The following NPC1L1 variants were observed in gnomAD, a reference collection of about 807,000 sequenced individuals.
NPC1L1 encodes NPC1 like intracellular cholesterol transporter 1, also known as NPC1-like intracellular cholesterol transporter 1.
In NPC1L1, 98 loss-of-function variants were observed where a neutral mutation model predicts 117.0. The ratio of observed to expected loss-of-function variants is 0.84; its 90% CI spans 0.71 to 0.99. The LOEUF is 0.99. NPC1L1 is among the 50% of genes least tolerant of loss of function. The pLI is 0.00. For missense variants in NPC1L1, 1,540 were observed against 1,710.0 expected (o/e 0.90, Z 1.75); for synonymous variants, 729 against 727.6 (o/e 1.00, Z -0.03).
chr7:44,517,484 C>G, intron 14 of NPC1L1, 127 bp from the exon 15 acceptor site: 1 of 1,177,540 alleles, frequency 8.5e-7, no homozygotes, highest in Non-Finnish European at 1.2e-6. Context: ...TCTGCCACCA[C>G]CATTTGAAAT....
At position 44,536,767 on chromosome 7, in the gene NPC1L1, C is replaced by A; in HGVS notation, c.1681+75G>T. The A allele has an allele frequency of 7.4e-7, 1 of 1,347,624 alleles. No individual in the cohort carries two copies. The highest frequency in any genetic ancestry group is 1.1e-6 in the Non-Finnish European group (1 of 942,656). The allele number at this position is 1,347,624 out of a possible 1,614,324, so 83.5% of individuals were successfully genotyped here. ...GGCCGCGAGAATCCCCAGCACCACT[C>A]CCACCCTCCCGTCTATGGTTCCTGC... On this transcript the variant is annotated intron_variant, in intron 3 of 18. Coordinates refer to ENST00000381160, the MANE Select transcript of NPC1L1 (RefSeq NM_001101648.2). This position sits in a 1 kb window ranked among gnomAD's most constrained non-coding sequence, Gnocchi z 4.7.
At chr7:44,535,776 G>A (rs2117070034) in intron 5 of NPC1L1, 64 bp downstream of exon 5, 2 of 1,608,652 alleles carry the variant, frequency 1.2e-6, no homozygotes, top group African/African-American at 1.3e-5. Flanking sequence ...AGTTGTAGAA[G>A]GCCTACTGAA....
chr7:44,540,158 CG>C lies in NPC1L1; in HGVS notation c.238del (p.Arg80AlafsTer42). ...TTGGGTGTTGGGGCCGGTGTAGAGG[CG>C]GGGGCAGATCTTCTGTAATAGGATC... ...HLILLQKICP[R>X]LYTGPNTQAC... On this transcript the variant is annotated frameshift_variant, in exon 2 of 19. Coordinates refer to ENST00000381160, the MANE Select transcript of NPC1L1 (RefSeq NM_001101648.2). LOFTEE classifies it high-confidence loss of function. 6.2e-7 allele frequency: 1 copy of C among 1,613,262 alleles called. No individual in the cohort carries two copies. The highest frequency in any genetic ancestry group is 2.2e-5 in the East Asian group (1 of 44,830).
chr7:44,539,277 C>T lies in NPC1L1; in HGVS notation c.1120G>A (p.Glu374Lys). The change falls in exon 2 of 19, where the codon GAA (glutamate) becomes AAA (lysine). Residue 374 changes from glutamate to lysine, a missense_variant. Glu to Lys is a moderately conservative substitution (Grantham distance 56). This residue lies in a region of NPC1L1 where 793 missense variants were observed against 820.4 expected (regional missense o/e 0.97). Coordinates refer to ENST00000381160, the MANE Select transcript of NPC1L1 (RefSeq NM_001101648.2). The surrounding 1 kb of genome is among the most constrained non-coding windows in gnomAD (Gnocchi z 4.4). The stretch of plus-strand genomic sequence containing the variant: ...AGCTCCACGGGGTCCGTAGTGAGTT[C>T]TGTAAAGACCAGGCCCGCTGCCAAG... Reference protein sequence around the residue: ...VALAAGLVFTELTTDPVELWS... With the variant: ...VALAAGLVFTKLTTDPVELWS... The T allele has an allele frequency of 6.2e-7, 1 of 1,614,100 alleles. No homozygotes were observed. The highest frequency in any genetic ancestry group is 1.1e-5 in the South Asian group (1 of 91,088).
rs1451606210 is a variant in NPC1L1 at position 44,538,661 on chromosome 7, G to A, written c.1580+156C>T. 6.6e-6 allele frequency among the ~76,000 whole-genome samples: 1 copy of A among 152,250 alleles called. No homozygotes were observed. Among genetic ancestry groups the A allele is most frequent in the Admixed American group, 6.5e-5 (1 of 15,288 alleles). On this transcript the variant is annotated intron_variant, in intron 2 of 18. Coordinates refer to ENST00000381160, the MANE Select transcript of NPC1L1 (RefSeq NM_001101648.2). This position sits in a 1 kb window ranked among gnomAD's most constrained non-coding sequence, Gnocchi z 5.9. Reference sequence around the variant, plus strand: ...GGAAATGGCGGCCGGACGAGGGGCAGAGATAATCATCTGGGCGGCCCCAGG... The same window carrying A: ...GGAAATGGCGGCCGGACGAGGGGCAAAGATAATCATCTGGGCGGCCCCAGG...
In NPC1L1 at chr7:44,516,723, A is replaced by C. The variant is rs1242166013; in HGVS notation, c.3499T>G (p.Ser1167Ala). ...ALWGISYNAV[S>A]LINLVSAVGM... ...GTTACCGAGACCAGGTTGATGAGGG[A>C]CACAGCATTGTAACTGATGCCCCAC... The change falls in exon 16 of 19, where the codon TCC becomes GCC. Residue 1167 changes from serine (S) to alanine (A), a missense_variant. Transcript: ENST00000381160. 1 of 1,611,410 alleles carries C rather than the reference A, an allele frequency of 6.2e-7. No homozygotes were observed. Among genetic ancestry groups the C allele is most frequent in the African/African-American group, 1.3e-5 (1 of 74,842 alleles).
intron 8 of NPC1L1, among the ~76,000 whole-genome samples, chr7:44,532,996 A>G (rs1331706356): frequency 6.6e-6 from 1 of 152,058 alleles, no homozygotes. Flanking sequence ...AATCCCAGTA[A>G]TTGGGAGGCT....
intron 14 of NPC1L1, 84 bp from the exon 15 acceptor site, chr7:44,517,441 G>C: frequency 6.6e-7 from 1 of 1,520,704 alleles, no homozygotes; most frequent in Admixed American, 1.7e-5. Flanking sequence ...CAGACGCAGT[G>C]GCACAGGCAT....
chr7:44,524,608 A>C (rs779835285), intron 10 of NPC1L1, among the ~76,000 whole-genome samples: 3 of 152,118 alleles, frequency 2.0e-5, no homozygotes, highest in Non-Finnish European at 4.4e-5. Flanking sequence ...TACAAAAATT[A>C]GCCAAGCATG....
intron 12 of NPC1L1, 123 bp downstream of exon 12, chr7:44,521,589 C>A: frequency 2.0e-6 from 3 of 1,489,834 alleles, no homozygotes; most frequent in Non-Finnish European, 2.8e-6. Flanking sequence ...TGCACCCATG[C>A]CCCCGACAGA....
At chr7:44,513,747 TC>T in intron 18 of NPC1L1, 98 bp from the exon 19 acceptor site, 2 of 1,326,832 alleles carry the variant, frequency 1.5e-6, no homozygotes, top group South Asian at 2.4e-5. Context: ...GCAGGAAGGG[TC>T]CCAGGGGGGA....
chr7:44,540,107 A>G lies in NPC1L1; in HGVS notation c.290T>C (p.Val97Ala). Residue 97 changes from valine (V) to alanine (A), a missense_variant, in exon 2 of 19, where the codon GTA becomes GCA. Coordinates refer to ENST00000381160, the MANE Select transcript of NPC1L1 (RefSeq NM_001101648.2). ...GATCGACAGACTCGCTTCCAGTGATACCAGCTGCTTGGCGGAGCAGCAGGC... is the reference window on the plus strand; with the variant it reads ...GATCGACAGACTCGCTTCCAGTGATGCCAGCTGCTTGGCGGAGCAGCAGGC... ...TQACCSAKQLVSLEASLSITK... is the reference protein window; with the variant it reads ...TQACCSAKQLASLEASLSITK... The G allele has an allele frequency of 6.2e-7, 1 of 1,614,128 alleles. No individual in the cohort carries two copies. The highest frequency in any genetic ancestry group is 1.3e-5 in the African/African-American group (1 of 75,030).
chr7:44,518,813 G>A, intron 14 of NPC1L1: 6 of 883,302 alleles, frequency 6.8e-6, no homozygotes, highest in Non-Finnish European at 8.4e-6. Context: ...GAGGTGCCTG[G>A]AGAACTTCCC....
Position 44,533,838 on chromosome 7 carries a change from G to A in NPC1L1, c.2182C>T (p.Pro728Ser), listed in dbSNP as rs1451124906. The A allele has an allele frequency of 6.2e-7, 1 of 1,612,004 alleles. No individual in the cohort carries two copies. The highest frequency in any genetic ancestry group is 1.3e-5 in the African/African-American group (1 of 74,932). Residue 728 changes from proline (P) to serine (S), a missense_variant, in exon 7 of 19, where the codon CCT becomes TCT. Around this residue, in one of 3 missense-constraint regions of NPC1L1, gnomAD observed 742 missense variants for 873.6 expected, o/e 0.85. Transcript: ENST00000381160. ...VLEYQRLPRRPGEPREVHIGR... is the reference protein window; with the variant it reads ...VLEYQRLPRRSGEPREVHIGR... ...ATGTGGACCTCTCGTGGCTCCCCAGGCCTCCGGGGCAGCCTCTGTGTGGGA... is the reference window on the plus strand; with the variant it reads ...ATGTGGACCTCTCGTGGCTCCCCAGACCTCCGGGGCAGCCTCTGTGTGGGA...
chr7:44,532,262 G>A (rs1801729833), intron 8 of NPC1L1, 45 bp from the exon 9 acceptor site: 1 of 1,611,402 alleles, frequency 6.2e-7, no homozygotes, highest in Non-Finnish European at 8.5e-7. Flanking sequence ...GAGCAGACAA[G>A]GCCCCAGGGA....
chr7:44,528,745 A>T (rs970735236), intron 10 of NPC1L1, among the ~76,000 whole-genome samples: 1 of 152,150 alleles, frequency 6.6e-6, no homozygotes, highest in Admixed American at 6.5e-5. Flanking sequence ...AATTACTGTA[A>T]ATGTAAATGG....
At position 44,536,443 on chromosome 7, in the gene NPC1L1, A is replaced by G. The variant is rs2117072846; in HGVS notation, c.1682-15T>C. ...ATAGTCCTTTCCTGGGATAAGAAAT[A>G]CTCAGACCCTTCCTGCTGCACCCGT... is the stretch of plus-strand genomic sequence containing the variant. On this transcript the variant is annotated splice_polypyrimidine_tract_variant and intron_variant, in intron 3 of 18. Coordinates refer to ENST00000381160, the MANE Select transcript of NPC1L1 (RefSeq NM_001101648.2). This position sits in a 1 kb window ranked among gnomAD's most constrained non-coding sequence, Gnocchi z 4.7. 1 of 1,608,582 alleles carries G rather than the reference A, an allele frequency of 6.2e-7. No individual in the cohort carries two copies. The highest frequency in any genetic ancestry group is 8.5e-7 in the Non-Finnish European group (1 of 1,179,908).
chr7:44,538,979 G>A lies in NPC1L1; in HGVS notation c.1418C>T (p.Ala473Val), dbSNP rs1390043104. 3.1e-6 allele frequency: 5 copies of A among 1,614,104 alleles called. No individual in the cohort carries two copies. The highest frequency in any genetic ancestry group is 2.2e-5 in the East Asian group (1 of 44,898). The stretch of plus-strand genomic sequence containing the variant: ...ACTGGTATTGTCCGGATTGAGGGGG[G>A]CGTAGCAGATGTCCTGCAGGGAGAT... ...RNISLQDICY[A>V]PLNPDNTSLY... The change falls in exon 2 of 19, where the codon GCC becomes GTC. Residue 473 changes from alanine (A) to valine (V), a missense_variant. Transcript: ENST00000381160. This position sits in a 1 kb window ranked among gnomAD's most constrained non-coding sequence, Gnocchi z 5.9.
In NPC1L1 at chr7:44,515,927, G is replaced by A. The variant is rs144292918; in HGVS notation, c.3672C>T (p.Ile1224=). The change falls in exon 18 of 19, where the codon ATC becomes ATT. Residue 1224 remains isoleucine (I), a synonymous_variant. Transcript: ENST00000381160. ...GGGCCTTGGCGAGGCCCAGGACAAG[G>A]ATGCCAGGCAGGTTGGTCATGGCCA... ...AGVAMTNLPG[I]LVLGLAKAQL... The A allele has an allele frequency of 3.6e-5, 58 of 1,614,134 alleles. 1 individual carries two copies. The African/African-American group carries it at 7.1e-4, about 20-fold the overall frequency.
Sources: gnomAD v4.1 joint callset for allele counts (sites outside exome capture counted in the v4.1 genomes callset) on GRCh38, gnomAD v4.1.1 for gene constraint, gnomAD v4.1.1 regional missense constraint, Gnocchi (gnomAD v3.1) non-coding constraint, MANE v1.5 for transcripts, NCBI Gene and HGNC (gene_info 2026-07-23, HGNC 2026-07-21) for gene names.